The following GSDMC variants were observed in gnomAD, a reference collection of about 807,000 sequenced individuals.
GSDMC encodes the protein gasdermin-C.
Under a neutral mutation model 58.0 loss-of-function variants are expected in GSDMC, and 59 were observed. The observed-to-expected ratio is 1.02, with a 90% CI of 0.82 to 1.26. The LOEUF is 1.26. GSDMC is among the 50% of genes most tolerant of loss of function. The pLI is 0.00. For missense variants in GSDMC, 659 were observed against 598.5 expected (o/e 1.10, Z -1.06); for synonymous variants, 241 against 220.2 (o/e 1.09, Z -0.83).
chr8:129,744,362 T>C (rs893900238), downstream of GSDMC, among the ~76,000 whole-genome samples: 1 of 152,238 alleles, frequency 6.6e-6, no homozygotes, highest in African/African-American at 2.4e-5. Context: ...GCCTACTCAA[T>C]ATTTTAAGAA....
intron 3 of GSDMC, among the ~76,000 whole-genome samples, chr8:129,771,721 T>C (rs1320483843): frequency 1.3e-5 from 2 of 150,830 alleles, no homozygotes; most frequent in Non-Finnish European, 2.9e-5. Flanking sequence ...GGCACAAAAC[T>C]AGAAATCATA....
chr8:129,736,502 G>A, the GSDMC span, among the ~76,000 whole-genome samples: 24,569 of 152,126 alleles, frequency 0.16, 2,586 homozygotes, highest in Non-Finnish European at 0.23. Flanking sequence ...ATCAATAAAC[G>A]TAATCCATCA....
rs538318969 is a variant in GSDMC at position 129,748,256 on chromosome 8, G to C, written c.*245C>G. 2 of 335,672 alleles carry C rather than the reference G, an allele frequency of 6.0e-6. No homozygotes were observed. The highest frequency in any genetic ancestry group is 1.1e-5 in the Non-Finnish European group (2 of 186,382). 20.8% of individuals were successfully genotyped at this position (335,672 alleles called of 1,614,324 possible). On this transcript the variant is annotated 3_prime_UTR_variant, in exon 14 of 14. Transcript: ENST00000276708. ...AATTTATACATAGTGAAACGCTTAC[G>C]TCTTTAACATACTATTTGAGGAGTT...
At chr8:129,754,676 G>C (rs1355721412) in intron 6 of GSDMC, among the ~76,000 whole-genome samples, 1 of 152,156 alleles carries the variant, frequency 6.6e-6, no homozygotes, top group Non-Finnish European at 1.5e-5. Context: ...GAAGAATTCA[G>C]AATAGTATTT....
At chr8:129,766,457 T>C (rs1000346086) in intron 3 of GSDMC, among the ~76,000 whole-genome samples, 1 of 152,186 alleles carries the variant, frequency 6.6e-6, no homozygotes, top group East Asian at 1.9e-4. Flanking sequence ...ATAACAGTCA[T>C]GTGGAATATT....
the GSDMC span, among the ~76,000 whole-genome samples, chr8:129,725,271 T>C: frequency 1.3e-5 from 2 of 152,188 alleles, no homozygotes; most frequent in Non-Finnish European, 2.9e-5. Context: ...ATAAAGCTGG[T>C]ATAGATTAAA....
chr8:129,733,184 C>T, the GSDMC span, among the ~76,000 whole-genome samples: 2 of 152,090 alleles, frequency 1.3e-5, no homozygotes, highest in Non-Finnish European at 2.9e-5. Flanking sequence ...CAGAGCCCAC[C>T]ACAGTTCAGC....
At chr8:129,723,927 C>A in the GSDMC span, among the ~76,000 whole-genome samples, 1 of 152,202 alleles carries the variant, frequency 6.6e-6, no homozygotes, top group Middle Eastern at 3.2e-3. Flanking sequence ...AATGCTGGAA[C>A]TTCTAGCAAA....
the GSDMC span, among the ~76,000 whole-genome samples, chr8:129,713,865 A>AG: frequency 3.2e-4 from 49 of 152,210 alleles, no homozygotes; most frequent in African/African-American, 1.2e-3. Flanking sequence ...CCCCTGACTC[A>AG]GGGGGGATTT....
the GSDMC span, among the ~76,000 whole-genome samples, chr8:129,731,839 C>A: frequency 6.6e-6 from 1 of 152,042 alleles, no homozygotes; most frequent in Non-Finnish European, 1.5e-5. Context: ...AATATATGAC[C>A]AAATAGTTGG....
chr8:129,772,260 CAA>C (rs1161238758), intron 3 of GSDMC, among the ~76,000 whole-genome samples: 4,392 of 94,388 alleles, frequency 0.047, 48 homozygotes, highest in African/African-American at 0.082. Context: ...GACTCCGTCT[CAA>C]AAAAAAAAAA....
At chr8:129,772,530 T>C (rs1429434137) in intron 3 of GSDMC, among the ~76,000 whole-genome samples, 1 of 151,976 alleles carries the variant, frequency 6.6e-6, no homozygotes, top group Non-Finnish European at 1.5e-5. Flanking sequence ...ATAAGAGAAA[T>C]GGATAAATTC....
the GSDMC span, among the ~76,000 whole-genome samples, chr8:129,722,183 AG>A: frequency 6.6e-6 from 1 of 152,182 alleles, no homozygotes; most frequent in Non-Finnish European, 1.5e-5. Flanking sequence ...ACTGTTGATG[AG>A]TGTTCAATGA....
At chr8:129,785,211 CA>C (rs916588725) in intron 1 of GSDMC, among the ~76,000 whole-genome samples, 31 of 148,878 alleles carry the variant, frequency 2.1e-4, no homozygotes, top group Admixed American at 4.0e-4. Context: ...AACTCCGTGT[CA>C]AAAAAAAATG....
At chr8:129,716,332 A>G in the GSDMC span, among the ~76,000 whole-genome samples, 3 of 152,216 alleles carry the variant, frequency 2.0e-5, no homozygotes, top group Non-Finnish European at 2.9e-5. Flanking sequence ...ATGTATTAAT[A>G]CCAATCAAAA....
the GSDMC span, among the ~76,000 whole-genome samples, chr8:129,738,701 T>A: frequency 6.6e-6 from 1 of 152,146 alleles, no homozygotes; most frequent in Non-Finnish European, 1.5e-5. Context: ...AAGTACCTAA[T>A]GTAAATGACG....
chr8:129,737,130 G>A, the GSDMC span, among the ~76,000 whole-genome samples: 2 of 152,152 alleles, frequency 1.3e-5, no homozygotes, highest in East Asian at 1.9e-4. Flanking sequence ...ACTGCTCAAT[G>A]AAATAAAAGA....
At chr8:129,723,281 C>T in the GSDMC span, among the ~76,000 whole-genome samples, 1 of 152,076 alleles carries the variant, frequency 6.6e-6, no homozygotes, top group Non-Finnish European at 1.5e-5. Flanking sequence ...CTCTCTGTCG[C>T]CCAAGCTGGA....
the GSDMC span, among the ~76,000 whole-genome samples, chr8:129,736,328 T>G: frequency 6.6e-6 from 1 of 152,096 alleles, no homozygotes; most frequent in Non-Finnish European, 1.5e-5. Flanking sequence ...CTGGCACAGA[T>G]GCAACAAAAA....
Sources: gnomAD v4.1 joint callset for allele counts (sites outside exome capture counted in the v4.1 genomes callset) on GRCh38, gnomAD v4.1.1 for gene constraint, MANE v1.5 for transcripts, NCBI Gene and HGNC (gene_info 2026-07-23, HGNC 2026-07-21) for gene names.